Variants in PCYT1A observed in about 807,000 individuals in gnomAD.
PCYT1A encodes phosphate cytidylyltransferase 1A, choline.
In PCYT1A, 25 loss-of-function variants were observed where a neutral mutation model predicts 43.7. That is an observed-to-expected ratio of 0.57 (90% CI 0.42 to 0.80). The LOEUF is 0.80. PCYT1A is among the 30% of genes least tolerant of loss of function. The pLI is 0.00. For synonymous variants in PCYT1A, 172 were observed against 170.7 expected (o/e 1.01, Z -0.06); for missense variants, 421 against 474.2 (o/e 0.89, Z 1.04).
chr3:196,244,271 T>C (rs1406938033), intron 5 of PCYT1A, among the ~76,000 whole-genome samples: 1 of 142,448 alleles, frequency 7.0e-6, no homozygotes, highest in East Asian at 2.1e-4. Context: ...CCGCCCATCG[T>C]CTGGGATGTG....
rs112397983 is a variant in PCYT1A at position 196,254,411 on chromosome 3, T to G, written c.217+3377A>C. On this transcript the variant is annotated intron_variant, in intron 3 of 8. Transcript: ENST00000431016. ...TGTCACCCAGGCTGAAGTGCAGTGG[T>G]GCAATCATGACTTGCCGTGGTCTAG... is the stretch of plus-strand genomic sequence containing the variant. 6.0e-3 allele frequency among the ~76,000 whole-genome samples: 910 copies of G among 152,190 alleles called. 15 individuals carry two copies. The highest frequency in any genetic ancestry group is 0.02 in the African/African-American group (823 of 41,520).
chr3:196,246,007 T>C (rs1306020575), intron 5 of PCYT1A, among the ~76,000 whole-genome samples: 2 of 151,908 alleles, frequency 1.3e-5, no homozygotes, highest in Non-Finnish European at 2.9e-5. Context: ...TATATATTGT[T>C]AACAAAGAGA....
At position 196,241,772 on chromosome 3, in the gene PCYT1A, G is replaced by A. The variant is rs1045075; in HGVS notation, c.708+176C>T. 476,994 of 1,164,004 alleles carry A rather than the reference G, an allele frequency of 0.41. 103,084 individuals carry two copies. The highest frequency in any genetic ancestry group is 0.72 in the East Asian group (27,847 of 38,736). 72.1% of individuals were successfully genotyped at this position (1,164,004 alleles called of 1,614,324 possible). ...GAATGTGTTGGTACCAGACCGTAAC[G>A]GCAGAAACTGTCTGTTTCATTCTTT... On this transcript the variant is annotated intron_variant, in intron 7 of 8. Coordinates refer to ENST00000431016, the MANE Select transcript of PCYT1A (RefSeq NM_001312673.2).
chr3:196,260,490 T>C (rs982745613), intron 2 of PCYT1A, among the ~76,000 whole-genome samples: 2 of 152,210 alleles, frequency 1.3e-5, no homozygotes, highest in African/African-American at 2.4e-5. Context: ...AATTACCATA[T>C]GACCCAGAAA....
chr3:196,245,140 C>T (rs1724520942), intron 5 of PCYT1A, among the ~76,000 whole-genome samples: 1 of 150,620 alleles, frequency 6.6e-6, no homozygotes, highest in African/African-American at 2.4e-5. Context: ...TATCATTTCA[C>T]TACTTTTTTT....
intron 2 of PCYT1A, among the ~76,000 whole-genome samples, chr3:196,263,082 C>T (rs529966033): frequency 1.3e-5 from 2 of 152,172 alleles, no homozygotes; most frequent in Admixed American, 1.3e-4. Context: ...CGTGAGCCAC[C>T]GCATCCAACT....
chr3:196,282,239 G>A lies in PCYT1A; in HGVS notation c.-11+5376C>T, dbSNP rs929088184. On this transcript the variant is annotated intron_variant, in intron 1 of 8. Transcript: ENST00000431016. This position sits in a 1 kb window ranked among gnomAD's most constrained non-coding sequence, Gnocchi z 4.3. ...CACATAATAAAGCTTATACTTCTTC[G>A]GCCTGGACATGTAGTAGAATATTTC... 1.3e-5 allele frequency among the ~76,000 whole-genome samples: 2 copies of A among 152,054 alleles called. No individual in the cohort carries two copies. The highest frequency in any genetic ancestry group is 2.4e-5 in the African/African-American group (1 of 41,386).
intron 1 of PCYT1A, among the ~76,000 whole-genome samples, chr3:196,279,522 T>C (rs144479930): frequency 8.5e-5 from 13 of 152,274 alleles, no homozygotes; most frequent in Non-Finnish European, 1.8e-4. Context: ...CCTGTGATTT[T>C]TACTCCGACT....
rs1365744116 is a variant in PCYT1A at position 196,238,216 on chromosome 3, T to C, written c.*472A>G. 6.5e-6 allele frequency: 1 copy of C among 153,242 alleles called. No individual in the cohort carries two copies. The highest frequency in any genetic ancestry group is 1.9e-4 in the East Asian group (1 of 5,206). The allele number at this position is 153,242 out of a possible 1,614,324, so 9.5% of individuals were successfully genotyped here. On this transcript the variant is annotated 3_prime_UTR_variant, in exon 9 of 9. Coordinates refer to ENST00000431016, the MANE Select transcript of PCYT1A (RefSeq NM_001312673.2). ...TCCACAAATTACCCATCAGCGTGGC[T>C]CATTTCGTGAAGGACTTGGCAAGCC...
At chr3:196,240,753 T>A in intron 7 of PCYT1A, 1 of 152,098 alleles carries the variant, frequency 6.6e-6, no homozygotes, top group South Asian at 2.1e-4. Context: ...GGGATTATGT[T>A]TAGAATTTTT....
chr3:196,241,977 C>T lies in PCYT1A; in HGVS notation c.679G>A (p.Ala227Thr). The T allele has an allele frequency of 1.9e-6, 3 of 1,614,196 alleles. No homozygotes were observed. The highest frequency in any genetic ancestry group is 2.5e-6 in the Non-Finnish European group (3 of 1,180,038). The change falls in exon 7 of 9, where the codon GCA (alanine) becomes ACA (threonine). Residue 227 changes from alanine to threonine, a missense_variant. This residue lies in a region of PCYT1A where 174 missense variants were observed against 270.7 expected (regional missense o/e 0.64). Coordinates refer to ENST00000431016, the MANE Select transcript of PCYT1A (RefSeq NM_001312673.2). Reference sequence around the variant, plus strand: ...ATAAAGCTGACATTGAGCTCCTTTGCTGTGTAGCCCCTCTGCAGGTTCCGC... The same window carrying T: ...ATAAAGCTGACATTGAGCTCCTTTGTTGTGTAGCCCCTCTGCAGGTTCCGC... ...ARRNLQRGYT[A>T]KELNVSFINE...
Position 196,257,184 on chromosome 3 carries a change from A to G in PCYT1A, c.217+604T>C, listed in dbSNP as rs937148297. Among the ~76,000 whole-genome samples, 3 of 152,232 alleles carry G rather than the reference A, an allele frequency of 2.0e-5. No individual in the cohort carries two copies. In the East Asian group the frequency reaches 5.8e-4, roughly 29 times the overall value. On this transcript the variant is annotated intron_variant, in intron 3 of 8. Transcript: ENST00000431016. The stretch of plus-strand genomic sequence containing the variant: ...TGATCTCTAAAACCAATTGCCCCAC[A>G]TAAGAAAAGCATCTCGAATATATAT...
Position 196,238,769 on chromosome 3 carries a change from C to T in PCYT1A, c.1023G>A (p.Lys341=). The change falls in exon 9 of 9, where the codon AAG becomes AAA. Residue 341 remains lysine (K), a synonymous_variant. Coordinates refer to ENST00000431016, the MANE Select transcript of PCYT1A (RefSeq NM_001312673.2). ...TTGCTGGGGAGCAAGGTGGGGAAGTCTTGCCGGAGAAGGGCCATCGGAAAG... is the reference window on the plus strand; with the variant it reads ...TTGCTGGGGAGCAAGGTGGGGAAGTTTTGCCGGAGAAGGGCCATCGGAAAG... ...SPSFRWPFSG[K]TSPPCSPANL... 2 of 1,590,282 alleles carry T rather than the reference C, an allele frequency of 1.3e-6. No individual in the cohort carries two copies. Among genetic ancestry groups the T allele is most frequent in the Non-Finnish European group, 1.7e-6 (2 of 1,169,296 alleles).
At chr3:196,272,243 G>A (rs1465172273) in intron 1 of PCYT1A, among the ~76,000 whole-genome samples, 1 of 150,986 alleles carries the variant, frequency 6.6e-6, no homozygotes, top group Non-Finnish European at 1.5e-5. Context: ...AGAGTGCAGT[G>A]GCACCATCTC....
chr3:196,260,419 T>G (rs1209391968), intron 2 of PCYT1A, among the ~76,000 whole-genome samples: 1 of 152,236 alleles, frequency 6.6e-6, no homozygotes. Flanking sequence ...CATACATTGC[T>G]ACTGTGAATA....
At chr3:196,241,671 C>A in intron 7 of PCYT1A, 2 of 1,390,604 alleles carry the variant, frequency 1.4e-6, no homozygotes, top group Non-Finnish European at 1.9e-6. Context: ...TTAAGAGACA[C>A]CGTTTTCCAT....
In PCYT1A at chr3:196,234,379, C is replaced by T. The variant is rs887037144; in HGVS notation, c.*4309G>A. On this transcript the variant is annotated 3_prime_UTR_variant, in exon 9 of 9. Coordinates refer to ENST00000431016, the MANE Select transcript of PCYT1A (RefSeq NM_001312673.2). ...CTGGACATGGAACATCAGGTAAAACCACACTGCCTTTATTTGGCTAAAGAA... is the reference window on the plus strand; with the variant it reads ...CTGGACATGGAACATCAGGTAAAACTACACTGCCTTTATTTGGCTAAAGAA... The T allele has an allele frequency of 6.6e-6, 1 of 152,086 alleles. No individual in the cohort carries two copies. The highest frequency in any genetic ancestry group is 1.5e-5 in the Non-Finnish European group (1 of 68,002). The allele number at this position is 152,086 out of a possible 1,614,324, so 9.4% of individuals were successfully genotyped here. A position where few individuals can be genotyped will look rare whatever the true frequency, so the allele number is the denominator to read the frequency against.
intron 1 of PCYT1A, among the ~76,000 whole-genome samples, chr3:196,285,261 C>T (rs948046515): frequency 6.6e-6 from 1 of 152,082 alleles, no homozygotes; most frequent in Non-Finnish European, 1.5e-5. Context: ...AAGTTTGAGA[C>T]CAGCCTGGCC....
At chr3:196,241,131 TAAA>T (rs1209954920) in intron 7 of PCYT1A, among the ~76,000 whole-genome samples, 155 of 49,688 alleles carry the variant, frequency 3.1e-3, no homozygotes, top group Admixed American at 4.1e-3. Flanking sequence ...CCATCTCTGC[TAAA>T]AAAAAAAAAA....
Sources: allele counts gnomAD v4.1 joint callset (sites outside exome capture counted in the v4.1 genomes callset), GRCh38; gene constraint gnomAD v4.1.1; regional missense constraint gnomAD v4.1.1; non-coding constraint Gnocchi (gnomAD v3.1); transcripts MANE v1.5; gene names NCBI Gene and HGNC (gene_info 2026-07-23, HGNC 2026-07-21).